The following RNF150 variants were observed in gnomAD, a reference collection of about 807,000 sequenced individuals.
The protein encoded by RNF150 is ring finger protein 150.
A neutral mutation model predicts 39.3 loss-of-function variants in RNF150; 24 were observed. The ratio of observed to expected loss-of-function variants is 0.61; its 90% CI spans 0.44 to 0.86. The LOEUF (loss-of-function observed/expected upper bound fraction) is 0.86, where lower values mean the gene tolerates loss of function less well. RNF150 is among the 40% of genes least tolerant of loss of function. RNF150 has a pLI of 0.00. For missense variants in RNF150, 502 were observed against 587.8 expected (o/e 0.85, Z 1.51); for synonymous variants, 255 against 227.3 (o/e 1.12, Z -1.10).
intron 1 of RNF150, among the ~76,000 whole-genome samples, chr4:141,082,530 AG>A (rs1273161858): frequency 1.1e-4 from 16 of 152,260 alleles, no homozygotes. Context: ...CAGAGCAGGA[AG>A]AAGAAACATA....
upstream of RNF150, among the ~76,000 whole-genome samples, chr4:141,138,235 G>A (rs751887197): frequency 6.6e-6 from 1 of 152,050 alleles, no homozygotes; most frequent in Non-Finnish European, 1.5e-5. Context: ...AATTTTATGT[G>A]GAGAAGATTC....
In RNF150 at chr4:140,866,539, T is replaced by G. The variant is rs141640417; in HGVS notation, c.*1722A>C. 232 of 152,330 alleles carry G rather than the reference T, an allele frequency of 1.5e-3. 1 individual carries two copies. The highest frequency in any genetic ancestry group is 5.4e-3 in the African/African-American group (223 of 41,564). The allele number at this position is 152,330 out of a possible 1,614,324, so 9.4% of individuals were successfully genotyped here. Reference sequence around the variant, plus strand: ...TCATCTGCCTTGCCTTACTGTCTACTTACAAACCATCAAATAGGAAATTGG... The same window carrying G: ...TCATCTGCCTTGCCTTACTGTCTACGTACAAACCATCAAATAGGAAATTGG... On this transcript the variant is annotated 3_prime_UTR_variant, in exon 7 of 7. Coordinates refer to ENST00000515673, the MANE Select transcript of RNF150 (RefSeq NM_020724.2).
chr4:140,945,582 T>C (rs1351084902), intron 4 of RNF150, among the ~76,000 whole-genome samples: 3 of 148,086 alleles, frequency 2.0e-5, no homozygotes, highest in South Asian at 4.2e-4. Context: ...TACATATATA[T>C]ACTACATATA....
chr4:140,935,064 A>T (rs9992632), intron 4 of RNF150, among the ~76,000 whole-genome samples: 6,524 of 52,486 alleles, frequency 0.12, 337 homozygotes, highest in African/African-American at 0.34. Context: ...TATTATATAT[A>T]TATAATATAT....
intron 1 of RNF150, among the ~76,000 whole-genome samples, chr4:141,167,281 C>A (rs1391115182): frequency 6.8e-6 from 1 of 146,324 alleles, no homozygotes; most frequent in Non-Finnish European, 1.5e-5. Context: ...AACCACTGCT[C>A]AAGGAAATAA....
rs558718214 is a variant in RNF150, at chr4:140,881,099, A to G, written c.1199-12720T>C. 2.0e-5 allele frequency among the ~76,000 whole-genome samples: 3 copies of G among 150,700 alleles called. No homozygotes were observed. In the East Asian group the frequency reaches 5.8e-4, roughly 29 times the overall value. ...TCTTTTCTCTAGTTCCTTGAGGTAT[A>G]AAGTTTGGTTCTTTGAGATCTTTCT... On this transcript the variant is annotated intron_variant, in intron 6 of 6. Transcript: ENST00000515673.
In RNF150 at chr4:140,924,006, G is replaced by A. The variant is rs143692683; in HGVS notation, c.987+1971C>T. The stretch of plus-strand genomic sequence containing the variant: ...GAAGGGGGGAGGGATAGCATTAGGA[G>A]ATATACCTAATGCTAAATGATGAGT... On this transcript the variant is annotated intron_variant, in intron 5 of 6. Coordinates refer to ENST00000515673, the MANE Select transcript of RNF150 (RefSeq NM_020724.2). 8.6e-3 allele frequency among the ~76,000 whole-genome samples: 1,315 copies of A among 152,156 alleles called. 26 individuals carry two copies. Among genetic ancestry groups the A allele is most frequent in the African/African-American group, 0.029 (1,199 of 41,496 alleles).
chr4:141,096,073 A>T (rs1176739844), intron 1 of RNF150, among the ~76,000 whole-genome samples: 1 of 151,936 alleles, frequency 6.6e-6, no homozygotes, highest in Non-Finnish European at 1.5e-5. Flanking sequence ...GGAGAGGATT[A>T]ATGGCCACAT....
chr4:140,955,354 G>A (rs1357317777), intron 2 of RNF150, among the ~76,000 whole-genome samples: 2 of 152,132 alleles, frequency 1.3e-5, no homozygotes, highest in Non-Finnish European at 1.5e-5. Flanking sequence ...TGTTGTTGGA[G>A]GTGTTGTAGA....
intron 6 of RNF150, among the ~76,000 whole-genome samples, chr4:140,901,142 C>T (rs1201644446): frequency 2.6e-5 from 4 of 152,112 alleles, no homozygotes; most frequent in Non-Finnish European, 5.9e-5. Context: ...GGTTTCTGGG[C>T]ATTTGGTTTT....
At chr4:141,017,514 C>T (rs547894440) in intron 1 of RNF150, among the ~76,000 whole-genome samples, 1 of 152,272 alleles carries the variant, frequency 6.6e-6, no homozygotes, top group South Asian at 2.1e-4. Context: ...TGATTATCAA[C>T]CGAAGTCCAT....
At chr4:141,163,775 C>T (rs1727553200) in intron 1 of RNF150, among the ~76,000 whole-genome samples, 1 of 152,168 alleles carries the variant, frequency 6.6e-6, no homozygotes, top group African/African-American at 2.4e-5. Context: ...ACAAAAAGGA[C>T]ATCCACACAA....
chr4:141,189,289 C>T (rs957575904), intron 1 of RNF150, among the ~76,000 whole-genome samples: 12 of 152,158 alleles, frequency 7.9e-5, no homozygotes, highest in Admixed American at 2.6e-4. Context: ...CAGAGGGGCA[C>T]CCTCCAGAAG....
rs1379777320 is a variant in RNF150, at chr4:140,860,869, T to G, written c.*7392A>C. ...AGTCTACAAAACTGAGTATCACATA[T>G]GTACTGCTTGAGAGTTTCCCCTGGA... On this transcript the variant is annotated 3_prime_UTR_variant, in exon 7 of 7. Coordinates refer to ENST00000515673, the MANE Select transcript of RNF150 (RefSeq NM_020724.2). 3 of 152,212 alleles carry G rather than the reference T, an allele frequency of 2.0e-5. No homozygotes were observed. The highest frequency in any genetic ancestry group is 4.4e-5 in the Non-Finnish European group (3 of 68,036). The allele number at this position is 152,212 out of a possible 1,614,324, so 9.4% of individuals were successfully genotyped here.
At chr4:140,997,132 T>A (rs979563314) in intron 1 of RNF150, 2 of 152,176 alleles carry the variant, frequency 1.3e-5, no homozygotes, top group Admixed American at 1.3e-4. Context: ...AGACTACAGA[T>A]GGAAGTGAGT....
intron 1 of RNF150, among the ~76,000 whole-genome samples, chr4:141,139,518 G>T (rs1432684716): frequency 6.6e-6 from 1 of 152,244 alleles, no homozygotes; most frequent in East Asian, 1.9e-4. Flanking sequence ...GAGTAGGCTT[G>T]CAGAGCTGTT....
At chr4:140,922,123 T>C (rs1389557499) in intron 5 of RNF150, among the ~76,000 whole-genome samples, 1 of 151,884 alleles carries the variant, frequency 6.6e-6, no homozygotes, top group East Asian at 1.9e-4. Flanking sequence ...GGCCAGGGCA[T>C]TCAGGCAGGA....
At chr4:141,078,906 CATATATACACATAT>C (rs1738040488) in intron 1 of RNF150, among the ~76,000 whole-genome samples, 1 of 140,446 alleles carries the variant, frequency 7.1e-6, no homozygotes, top group Non-Finnish European at 1.5e-5. Flanking sequence ...TATACACATA[CATATATACACATAT>C]ATATACATAT....
Position 140,860,482 on chromosome 4 carries a change from G to C in RNF150, c.*7779C>G, listed in dbSNP as rs1160054879. On this transcript the variant is annotated 3_prime_UTR_variant, in exon 7 of 7. Transcript: ENST00000515673. ...CTCAGTCACACAGTCTGAATATGGAGAGGATAGACAATGCCGAGATGGAAC... is the reference window on the plus strand; with the variant it reads ...CTCAGTCACACAGTCTGAATATGGACAGGATAGACAATGCCGAGATGGAAC... 1 of 152,154 alleles carries C rather than the reference G, an allele frequency of 6.6e-6. No individual in the cohort carries two copies. Among genetic ancestry groups the C allele is most frequent in the African/African-American group, 2.4e-5 (1 of 41,432 alleles). 9.4% of individuals were successfully genotyped at this position (152,154 alleles called of 1,614,324 possible).
Sources: gnomAD v4.1 joint callset for allele counts (sites outside exome capture counted in the v4.1 genomes callset) on GRCh38, gnomAD v4.1.1 for gene constraint, MANE v1.5 for transcripts, NCBI Gene and HGNC (gene_info 2026-07-23, HGNC 2026-07-21) for gene names.